PCDH9: variants seen among roughly 807,000 people sequenced by gnomAD.
PCDH9 encodes protocadherin 9.
A neutral mutation model predicts 70.6 loss-of-function variants in PCDH9; 24 were observed. The observed-to-expected ratio is 0.34, with a 90% CI of 0.25 to 0.48. The LOEUF (loss-of-function observed/expected upper bound fraction) is 0.48, where lower values mean the gene tolerates loss of function less well. Ranked by LOEUF, PCDH9 falls within the 20% of genes least tolerant of loss-of-function variation. PCDH9 has a pLI of 0.99. For missense variants in PCDH9, 1,281 were observed against 1,503.6 expected (o/e 0.85, Z 2.45); for synonymous variants, 562 against 558.5 (o/e 1.01, Z -0.09).
At chr13:66,389,477 C>A (rs541719430) in intron 4 of PCDH9, among the ~76,000 whole-genome samples, 1 of 152,096 alleles carries the variant, frequency 6.6e-6, no homozygotes, top group Admixed American at 6.5e-5. Context: ...TTCTCAAACA[C>A]GGTTTAATTT....
At chr13:67,024,408 C>A (rs2084739122) in intron 2 of PCDH9, among the ~76,000 whole-genome samples, 1 of 151,818 alleles carries the variant, frequency 6.6e-6, no homozygotes, top group African/African-American at 2.4e-5. Context: ...TTGTTAATAC[C>A]TTTTATGTTT....
intron 4 of PCDH9, among the ~76,000 whole-genome samples, chr13:66,448,775 G>A (rs530461703): frequency 4.7e-4 from 71 of 152,234 alleles, no homozygotes; most frequent in Non-Finnish European, 7.1e-4. Context: ...CATTTGCTGC[G>A]TACTATTTTT....
intron 2 of PCDH9, among the ~76,000 whole-genome samples, chr13:66,918,845 T>C (rs1211559292): frequency 6.6e-6 from 1 of 151,280 alleles, no homozygotes; most frequent in African/African-American, 2.4e-5. Context: ...TTACTTGTGC[T>C]TTCAACCTTT....
At chr13:66,760,495 TCTTTA>T (rs1233918884) in intron 3 of PCDH9, among the ~76,000 whole-genome samples, 6 of 152,292 alleles carry the variant, frequency 3.9e-5, no homozygotes, top group East Asian at 1.9e-4. Flanking sequence ...CCTATGCCTG[TCTTTA>T]CTTTAATCTC....
intron 4 of PCDH9, among the ~76,000 whole-genome samples, chr13:66,481,375 T>C (rs187281091): frequency 4.0e-5 from 6 of 151,230 alleles, no homozygotes; most frequent in African/African-American, 1.5e-4. Flanking sequence ...TCAGCAGCCA[T>C]CAACATTGAG....
chr13:66,421,605 C>A (rs1957568330), intron 4 of PCDH9, among the ~76,000 whole-genome samples: 1 of 152,140 alleles, frequency 6.6e-6, no homozygotes, highest in African/African-American at 2.4e-5. Flanking sequence ...TACAGACAAG[C>A]AAATGCTGAG....
chr13:66,682,226 G>A (rs980180918), intron 3 of PCDH9, among the ~76,000 whole-genome samples: 1 of 151,868 alleles, frequency 6.6e-6, no homozygotes, highest in East Asian at 1.9e-4. Flanking sequence ...CTGCATAGCT[G>A]TTTATGTATT....
At chr13:66,878,429 G>A (rs1026129367) in intron 3 of PCDH9, among the ~76,000 whole-genome samples, 4 of 152,018 alleles carry the variant, frequency 2.6e-5, no homozygotes, top group African/African-American at 9.7e-5. Flanking sequence ...GTTTCACCTC[G>A]TTGGCCAGGC....
At chr13:66,319,272 G>A (rs1459927957) in intron 4 of PCDH9, among the ~76,000 whole-genome samples, 4 of 152,074 alleles carry the variant, frequency 2.6e-5, no homozygotes, top group South Asian at 2.1e-4. Flanking sequence ...TCCCTTCCTC[G>A]ACATGTGAGG....
chr13:66,935,146 G>C (rs931765142), intron 2 of PCDH9, among the ~76,000 whole-genome samples: 3 of 151,766 alleles, frequency 2.0e-5, no homozygotes, highest in African/African-American at 4.8e-5. Flanking sequence ...CTGCAGCCTC[G>C]ACACCCGGGG....
chr13:66,668,601 A>T (rs2078128571), intron 3 of PCDH9, among the ~76,000 whole-genome samples: 1 of 152,200 alleles, frequency 6.6e-6, no homozygotes, highest in African/African-American at 2.4e-5. Flanking sequence ...AGCAATTCAT[A>T]GTAAGATGTG....
intron 3 of PCDH9, among the ~76,000 whole-genome samples, chr13:66,654,963 C>T (rs2077908334): frequency 6.6e-6 from 1 of 151,938 alleles, no homozygotes; most frequent in South Asian, 2.1e-4. Flanking sequence ...TAAGCTCAAG[C>T]AATACACTCA....
intron 2 of PCDH9, among the ~76,000 whole-genome samples, chr13:67,041,780 G>A (rs940668010): frequency 4.0e-5 from 6 of 148,462 alleles, no homozygotes; most frequent in Admixed American, 2.7e-4. Context: ...GCAGTGAGCC[G>A]AGATCGGGCC....
chr13:66,982,249 C>T (rs2083788990), intron 2 of PCDH9, among the ~76,000 whole-genome samples: 1 of 152,186 alleles, frequency 6.6e-6, no homozygotes, highest in South Asian at 2.1e-4. Flanking sequence ...CTTGTACAGC[C>T]TGCAGTGAGT....
intron 3 of PCDH9, among the ~76,000 whole-genome samples, chr13:66,772,301 T>C (rs2079820807): frequency 6.6e-6 from 1 of 152,222 alleles, no homozygotes; most frequent in Non-Finnish European, 1.5e-5. Flanking sequence ...AAAACTCCCA[T>C]CTTTTGTGGC....
chr13:66,447,129 G>A (rs374018252), intron 4 of PCDH9, among the ~76,000 whole-genome samples: 2 of 151,854 alleles, frequency 1.3e-5, no homozygotes, highest in African/African-American at 2.4e-5. Context: ...CTCTATTTAC[G>A]GTCGGAAATA....
At chr13:66,409,592 C>T (rs1477300865) in intron 4 of PCDH9, among the ~76,000 whole-genome samples, 1 of 152,022 alleles carries the variant, frequency 6.6e-6, no homozygotes, top group Non-Finnish European at 1.5e-5. Context: ...AATTTGTCAC[C>T]AGCACCGAAA....
intron 2 of PCDH9, among the ~76,000 whole-genome samples, chr13:67,129,109 A>G (rs1235429270): frequency 6.6e-6 from 1 of 152,126 alleles, no homozygotes. Context: ...ACTTATCGGC[A>G]TTCTTGTTAT....
At chr13:66,405,333 G>A (rs1440693271) in intron 4 of PCDH9, among the ~76,000 whole-genome samples, 1 of 152,154 alleles carries the variant, frequency 6.6e-6, no homozygotes, top group South Asian at 2.1e-4. Context: ...GGTGGTTGCT[G>A]TGATAGCAAA....
Sources: gnomAD v4.1 joint callset for allele counts (sites outside exome capture counted in the v4.1 genomes callset) on GRCh38, gnomAD v4.1.1 for gene constraint, MANE v1.5 for transcripts, NCBI Gene and HGNC (gene_info 2026-07-23, HGNC 2026-07-21) for gene names.